Variants in SH2D7 observed in about 807,000 individuals in gnomAD.
SH2D7 encodes the protein SH2 domain-containing protein 7.
Under a neutral mutation model 40.8 loss-of-function variants are expected in SH2D7, and 32 were observed. That is an observed-to-expected ratio of 0.78 (90% CI 0.59 to 1.05). The LOEUF (loss-of-function observed/expected upper bound fraction) is 1.05. SH2D7 is among the 50% of genes least tolerant of loss of function. The pLI is 0.00. For synonymous variants in SH2D7, 195 were observed against 221.5 expected (o/e 0.88, Z 1.06); for missense variants, 559 against 566.6 (o/e 0.99, Z 0.14).
Position 78,103,551 on chromosome 15 carries a change from T to G in SH2D7, c.*36T>G, listed in dbSNP as rs1228209616. 6.4e-7 allele frequency: 1 copy of G among 1,554,648 alleles called. No individual in the cohort carries two copies. Among genetic ancestry groups the G allele is most frequent in the East Asian group, 2.4e-5 (1 of 41,276 alleles). On this transcript the variant is annotated 3_prime_UTR_variant, in exon 6 of 6. Coordinates refer to ENST00000328828, the MANE Select transcript of SH2D7 (RefSeq NM_001101404.2). ...TCCGGCAGCCCACCAGTGGGTTTCC[T>G]GGTACCCAGGCCATGCCAGGGGTTA...
At position 78,098,621 on chromosome 15, in the gene SH2D7, G is replaced by A. The variant is rs777473274; in HGVS notation, c.645+25G>A. On this transcript the variant is annotated intron_variant, in intron 4 of 5. Coordinates refer to ENST00000328828, the MANE Select transcript of SH2D7 (RefSeq NM_001101404.2). ...GGTGAGGAGCATTATGGGCCACCTAGAGTCAGGGTTGCCAGACCAGGGATG... is the reference window on the plus strand; with the variant it reads ...GGTGAGGAGCATTATGGGCCACCTAAAGTCAGGGTTGCCAGACCAGGGATG... 6 of 1,605,170 alleles carry A rather than the reference G, an allele frequency of 3.7e-6. No homozygotes were observed. In the South Asian group the frequency reaches 6.7e-5, roughly 18 times the overall value.
intron 1 of SH2D7, among the ~76,000 whole-genome samples, 174 bp downstream of exon 1, chr15:78,092,934 G>T (rs1011131961): frequency 2.0e-5 from 3 of 152,084 alleles, no homozygotes; most frequent in African/African-American, 7.3e-5. Flanking sequence ...TCTGGTGGTG[G>T]CTTCTGTAGG....
intron 5 of SH2D7, among the ~76,000 whole-genome samples, chr15:78,102,321 C>T (rs1379627856): frequency 3.3e-5 from 5 of 152,110 alleles, no homozygotes; most frequent in Admixed American, 1.3e-4. Flanking sequence ...CACAATTATT[C>T]CTTTGTTTAT....
intron 2 of SH2D7, among the ~76,000 whole-genome samples, chr15:78,095,878 TCTC>T (rs2073968581): frequency 3.3e-5 from 5 of 152,220 alleles, no homozygotes; most frequent in African/African-American, 1.2e-4. Flanking sequence ...AGTCTCGCTC[TCTC>T]GCTCTGGCTG....
upstream of SH2D7, among the ~76,000 whole-genome samples, chr15:78,091,749 G>A (rs749770259): frequency 5.9e-5 from 9 of 152,174 alleles, no homozygotes; most frequent in Non-Finnish European, 1.2e-4. Context: ...AACGACATGA[G>A]CTTCTGTTTT....
At chr15:78,093,762 G>A (rs2073953373) in intron 1 of SH2D7, among the ~76,000 whole-genome samples, 1 of 152,246 alleles carries the variant, frequency 6.6e-6, no homozygotes, top group African/African-American at 2.4e-5. Flanking sequence ...CCAGCTGTGT[G>A]GATTTATTCT....
intron 2 of SH2D7, among the ~76,000 whole-genome samples, chr15:78,096,660 A>AT (rs112148755): frequency 0.35 from 51,118 of 145,742 alleles, 8,774 homozygotes; most frequent in African/African-American, 0.38. Context: ...GACACCGGCT[A>AT]TTTTTTTTTT....
At chr15:78,098,308 CA>C in intron 3 of SH2D7, 75 bp from the exon 4 acceptor site, 1 of 1,547,718 alleles carries the variant, frequency 6.5e-7, no homozygotes, top group South Asian at 1.2e-5. Context: ...AGTCTCTTAC[CA>C]GCAGTCTCAG....
chr15:78,102,901 C>T lies in SH2D7; in HGVS notation c.1306-564C>T, dbSNP rs560126468. ...GCACACGCGGATCTTCCTGCCTGGG[C>T]TCCTGGTGGAAAGATCTTCCTGGGA... On this transcript the variant is annotated intron_variant, in intron 5 of 5. Coordinates refer to ENST00000328828, the MANE Select transcript of SH2D7 (RefSeq NM_001101404.2). Among the ~76,000 whole-genome samples the T allele has an allele frequency of 2.7e-4, 41 of 152,280 alleles. No individual in the cohort carries two copies. In the South Asian group the frequency reaches 8.5e-3, roughly 32 times the overall value.
rs1405507256 is a variant in SH2D7, at chr15:78,092,698, G to C, written c.114G>C (p.Gln38His). The change falls in exon 1 of 6, where the codon CAG (glutamine) becomes CAC (histidine). Residue 38 changes from glutamine (Q) to histidine (H), a missense_variant. Physicochemically the swap from Gln to His is conservative, Grantham distance 24. Transcript: ENST00000328828. ...CCCTGAAGTGGTTCATGGAGACACA[G>C]GCCCCCTTCATTCTGCAGAACGGTG... ...ELALKWFMET[Q>H]APFILQNGAL... The C allele has an allele frequency of 6.3e-7, 1 of 1,599,080 alleles. No homozygotes were observed. The highest frequency in any genetic ancestry group is 1.1e-5 in the South Asian group (1 of 87,952).
chr15:78,098,733 C>T (rs1456924445), intron 4 of SH2D7, 137 bp downstream of exon 4: 19 of 1,048,854 alleles, frequency 1.8e-5, no homozygotes, highest in Non-Finnish European at 2.5e-5. Context: ...GAGGTGCGGA[C>T]CCAGCTTGGA....
chr15:78,098,700 C>A, intron 4 of SH2D7, 104 bp downstream of exon 4: 1 of 1,333,332 alleles, frequency 7.5e-7, no homozygotes, highest in Non-Finnish European at 1.0e-6. Flanking sequence ...CTCCCTCCGG[C>A]TGTGGAGGGT....
rs758179302 is a variant in SH2D7 at position 78,098,614 on chromosome 15, C to T, written c.645+18C>T. The T allele has an allele frequency of 1.2e-5, 19 of 1,608,758 alleles. No individual in the cohort carries two copies. The highest frequency in any genetic ancestry group is 8.4e-5 in the Admixed American group (5 of 59,424). ...GCATGGAGGTGAGGAGCATTATGGG[C>T]CACCTAGAGTCAGGGTTGCCAGACC... On this transcript the variant is annotated intron_variant, in intron 4 of 5. Coordinates refer to ENST00000328828, the MANE Select transcript of SH2D7 (RefSeq NM_001101404.2).
intron 2 of SH2D7, among the ~76,000 whole-genome samples, chr15:78,095,955 G>C (rs1364092910): frequency 1.3e-5 from 2 of 151,996 alleles, no homozygotes; most frequent in Non-Finnish European, 2.9e-5. Context: ...CAATTCTCCT[G>C]TCTCAGCCTC....
At chr15:78,096,227 A>G (rs1361660708) in intron 2 of SH2D7, among the ~76,000 whole-genome samples, 1 of 152,252 alleles carries the variant, frequency 6.6e-6, no homozygotes, top group Non-Finnish European at 1.5e-5. Flanking sequence ...GAAGTTATCT[A>G]TTAGAATACA....
At chr15:78,093,856 G>T (rs915357385) in intron 1 of SH2D7, among the ~76,000 whole-genome samples, 1 of 152,210 alleles carries the variant, frequency 6.6e-6, no homozygotes, top group African/African-American at 2.4e-5. Context: ...TGGGGAGTTG[G>T]GGGGGTTGCA....
upstream of SH2D7, among the ~76,000 whole-genome samples, chr15:78,092,077 G>T (rs2073943398): frequency 6.6e-6 from 1 of 152,212 alleles, no homozygotes; most frequent in African/African-American, 2.4e-5. Flanking sequence ...TATTCCCAGG[G>T]CCCAGATTTA....
chr15:78,092,465 G>T (rs2141867995), upstream of SH2D7: 1 of 1,130,516 alleles, frequency 8.8e-7, no homozygotes, highest in East Asian at 2.6e-5. Flanking sequence ...TGACAATGGG[G>T]CTGCTGTGTG....
intron 2 of SH2D7, among the ~76,000 whole-genome samples, chr15:78,097,255 A>C (rs911349041): frequency 3.3e-5 from 5 of 152,182 alleles, no homozygotes; most frequent in African/African-American, 1.2e-4. Flanking sequence ...GGGGGCTGGA[A>C]GGGTTTTGTA....
Sources: allele counts gnomAD v4.1 joint callset (sites outside exome capture counted in the v4.1 genomes callset), GRCh38; gene constraint gnomAD v4.1.1; transcripts MANE v1.5; gene names NCBI Gene and HGNC (gene_info 2026-07-23, HGNC 2026-07-21).